The following PDZRN4 variants were observed in gnomAD, a reference collection of about 807,000 sequenced individuals.
PDZRN4 encodes the protein PDZ domain-containing RING finger protein 4.
Under a neutral mutation model 99.0 loss-of-function variants are expected in PDZRN4, and 70 were observed. The observed-to-expected ratio is 0.71, with a 90% CI of 0.58 to 0.86. PDZRN4 has a LOEUF of 0.86. Ranked by LOEUF, PDZRN4 falls within the 40% of genes least tolerant of loss-of-function variation. PDZRN4 has a pLI of 0.00. For synonymous variants in PDZRN4, 551 were observed against 501.6 expected (o/e 1.10, Z -1.32); for missense variants, 1,474 against 1,331.2 (o/e 1.11, Z -1.67).
rs1939271157 is a variant in PDZRN4 at position 41,561,608 on chromosome 12, ACTAT to A, written c.1366-1939_1366-1936del. 2.6e-5 allele frequency among the ~76,000 whole-genome samples: 3 copies of A among 115,562 alleles called. No individual in the cohort carries two copies. In the South Asian group the frequency reaches 7.7e-4, roughly 29 times the overall value. The allele number at this position is 115,562 out of a possible 152,430, so 75.8% of individuals were successfully genotyped here. On this transcript the variant is annotated intron_variant, in intron 7 of 9. Transcript: ENST00000402685. The stretch of plus-strand genomic sequence containing the variant: ...TATATATTAAGTTATATATATAAAG[ACTAT>A]ATATATATATATATGTACAGTCAAG...
At chr12:41,298,977 C>A (rs55917050) in intron 3 of PDZRN4, among the ~76,000 whole-genome samples, 9,743 of 152,050 alleles carry the variant, frequency 0.064, 914 homozygotes, top group African/African-American at 0.21. Flanking sequence ...CCCCTTTGGC[C>A]TTGTTTTCTA....
chr12:41,301,991 A>G (rs1951539316), intron 3 of PDZRN4, among the ~76,000 whole-genome samples: 1 of 152,082 alleles, frequency 6.6e-6, no homozygotes, highest in Admixed American at 6.6e-5. Context: ...AGTCCATAAT[A>G]TAGTATTGGT....
intron 5 of PDZRN4, among the ~76,000 whole-genome samples, chr12:41,514,707 T>G (rs1938369983): frequency 6.6e-6 from 1 of 152,092 alleles, no homozygotes; most frequent in Admixed American, 6.6e-5. Flanking sequence ...ACTCAGTCCC[T>G]TTCCTCTTTT....
rs188344869 is a variant in PDZRN4, at chr12:41,307,086, A to G, written c.843+112898A>G. Among the ~76,000 whole-genome samples the G allele has an allele frequency of 1.3e-4, 20 of 152,258 alleles. No homozygotes were observed. In the East Asian group the frequency reaches 3.9e-3, roughly 29 times the overall value. On this transcript the variant is annotated intron_variant, in intron 3 of 9. Transcript: ENST00000402685. The stretch of plus-strand genomic sequence containing the variant: ...TGCACCTTGAAATGAGCCTGTATTC[A>G]TTACCTAGTTCCAAAGCTGCTTCAA...
chr12:41,241,654 T>C (rs575904532), intron 3 of PDZRN4, among the ~76,000 whole-genome samples: 37 of 152,298 alleles, frequency 2.4e-4, no homozygotes, highest in Non-Finnish European at 4.0e-4. Context: ...TAGTGCAAGG[T>C]CTATAATAGG....
intron 3 of PDZRN4, among the ~76,000 whole-genome samples, chr12:41,204,536 T>A (rs1950835728): frequency 6.6e-6 from 1 of 151,892 alleles, no homozygotes; most frequent in Admixed American, 6.6e-5. Flanking sequence ...TCAGGAAACT[T>A]ACAACAATGA....
intron 3 of PDZRN4, among the ~76,000 whole-genome samples, chr12:41,209,707 T>G (rs1260500249): frequency 1.3e-5 from 2 of 150,234 alleles, no homozygotes; most frequent in Non-Finnish European, 3.0e-5. Flanking sequence ...TAGTATTCCA[T>G]GGTGTATATG....
chr12:41,233,836 A>G (rs1020594886), intron 3 of PDZRN4, among the ~76,000 whole-genome samples: 2 of 152,014 alleles, frequency 1.3e-5, no homozygotes, highest in Non-Finnish European at 2.9e-5. Context: ...CATACCTAAT[A>G]CTAAATGATG....
intron 3 of PDZRN4, among the ~76,000 whole-genome samples, chr12:41,459,153 A>G (rs1317045583): frequency 3.3e-5 from 5 of 152,180 alleles, no homozygotes; most frequent in Non-Finnish European, 5.9e-5. Flanking sequence ...GTCCAAAATA[A>G]TGTCAGCACA....
chr12:41,292,958 T>TA (rs1951465748), intron 3 of PDZRN4, among the ~76,000 whole-genome samples: 1 of 151,646 alleles, frequency 6.6e-6, no homozygotes, highest in Admixed American at 6.6e-5. Flanking sequence ...TTTTCTGAGA[T>TA]ACGGCTAGGA....
chr12:41,264,928 G>T (rs1184882633), intron 3 of PDZRN4, among the ~76,000 whole-genome samples: 2 of 151,998 alleles, frequency 1.3e-5, no homozygotes, highest in Non-Finnish European at 2.9e-5. Context: ...CTAGACACTG[G>T]GTACTCCAAA....
rs1393054802 is a variant in PDZRN4, at chr12:41,191,563, G to T, written c.735+19G>T. On this transcript the variant is annotated intron_variant, in intron 2 of 9. Transcript: ENST00000402685. ...AAATCAGGTAAAACACCTTGTTAAT[G>T]CATTACTCGTTACTTATAAAATAAG... 9.4e-7 allele frequency: 1 copy of T among 1,068,866 alleles called. No homozygotes were observed. The highest frequency in any genetic ancestry group is 2.4e-5 in the East Asian group (1 of 42,128). The allele number at this position is 1,068,866 out of a possible 1,614,324, so 66.2% of individuals were successfully genotyped here.
At chr12:41,322,907 TTCTC>T (rs1299193002) in intron 3 of PDZRN4, among the ~76,000 whole-genome samples, 1 of 152,178 alleles carries the variant, frequency 6.6e-6, no homozygotes, top group Non-Finnish European at 1.5e-5. Flanking sequence ...TTTATTTTCT[TTCTC>T]ATACATCTTG....
intron 3 of PDZRN4, among the ~76,000 whole-genome samples, chr12:41,447,233 C>A (rs1158783877): frequency 6.6e-6 from 1 of 152,102 alleles, no homozygotes; most frequent in Admixed American, 6.6e-5. Flanking sequence ...GCCATTTGCT[C>A]AAGTATGCCC....
chr12:41,188,845 G>C lies in PDZRN4; in HGVS notation c.390G>C (p.Arg130=), dbSNP rs1591960130. The change falls in exon 1 of 10, where the codon CGG becomes CGC. Residue 130 remains arginine, a synonymous_variant. Transcript: ENST00000402685. ...SGLGGGEVPA[R]GGCGPTPRAG... ...TGGGCGGTGGTGAGGTGCCCGCGCG[G>C]GGGGGCTGCGGTCCGACACCCAGGG... is the stretch of plus-strand genomic sequence containing the variant. The C allele has an allele frequency of 7.9e-7, 1 of 1,263,584 alleles. No individual in the cohort carries two copies. The highest frequency in any genetic ancestry group is 9.9e-7 in the Non-Finnish European group (1 of 1,005,596). 78.3% of individuals were successfully genotyped at this position (1,263,584 alleles called of 1,614,324 possible).
intron 3 of PDZRN4, among the ~76,000 whole-genome samples, chr12:41,387,364 G>C (rs1024364244): frequency 6.6e-6 from 1 of 152,056 alleles, no homozygotes; most frequent in African/African-American, 2.4e-5. Context: ...CGGGTGGATT[G>C]CCTAAGCTCA....
At chr12:41,400,859 G>A (rs1952284263) in intron 3 of PDZRN4, among the ~76,000 whole-genome samples, 1 of 152,076 alleles carries the variant, frequency 6.6e-6, no homozygotes, top group South Asian at 2.1e-4. Context: ...AGCCAACTTG[G>A]CCAAAATTAG....
chr12:41,371,315 G>A (rs11180859), intron 3 of PDZRN4, among the ~76,000 whole-genome samples: 2,219 of 151,746 alleles, frequency 0.015, 53 homozygotes, highest in African/African-American at 0.05. Context: ...GCACTGGCTA[G>A]GAATTTTGAT....
rs1254027278 is a variant in PDZRN4, at chr12:41,574,590, A to G, written c.*700A>G. On this transcript the variant is annotated 3_prime_UTR_variant, in exon 10 of 10. Transcript: ENST00000402685. ...TTATTGATTATCCTTCAGAAAAATT[A>G]TCAAGGAGTGTTTTATTTTCCTTGT... 1.3e-5 allele frequency: 2 copies of G among 152,670 alleles called. No homozygotes were observed. Among genetic ancestry groups the G allele is most frequent in the Non-Finnish European group, 2.9e-5 (2 of 68,038 alleles). The allele number at this position is 152,670 out of a possible 1,614,324, so 9.5% of individuals were successfully genotyped here.
Sources: gnomAD v4.1 joint callset for allele counts (sites outside exome capture counted in the v4.1 genomes callset) on GRCh38, gnomAD v4.1.1 for gene constraint, MANE v1.5 for transcripts, NCBI Gene and HGNC (gene_info 2026-07-23, HGNC 2026-07-21) for gene names.